RPS6KC1: variants seen among roughly 807,000 people sequenced by gnomAD.
The protein encoded by RPS6KC1 is ribosomal protein S6 kinase C1.
RPS6KC1 carries 54 observed loss-of-function variants against 103.8 expected under a neutral mutation model. The ratio of observed to expected loss-of-function variants is 0.52; its 90% CI spans 0.42 to 0.65. RPS6KC1 has a LOEUF of 0.65. Among genes scored for constraint, RPS6KC1 ranks in the 30% least tolerant of loss-of-function variants. The probability of loss-of-function intolerance (pLI) is 0.00; values close to 1 mark genes in which losing one functional copy is unlikely to be tolerated. For synonymous variants in RPS6KC1, 439 were observed against 438.7 expected, an observed-to-expected ratio of 1.00 and a Z score of -0.01; for missense variants, 1,151 against 1,253.8, an observed-to-expected ratio of 0.92 and a Z score of 1.24.
At chr1:213,215,105 A>G (rs1029543499) in intron 8 of RPS6KC1, among the ~76,000 whole-genome samples, 5 of 152,202 alleles carry the variant, frequency 3.3e-5, no homozygotes, top group Non-Finnish European at 7.3e-5. Context: ...GTTTGAACCC[A>G]TGGCGAAGAC....
At chr1:213,551,221 C>T in the RPS6KC1 span, among the ~76,000 whole-genome samples, 1 of 152,128 alleles carries the variant, frequency 6.6e-6, no homozygotes, top group African/African-American at 2.4e-5. Context: ...GTACCATGGC[C>T]ACAGGAGAGA....
At chr1:213,135,889 G>T (rs2086216822) in intron 6 of RPS6KC1, among the ~76,000 whole-genome samples, 1 of 152,128 alleles carries the variant, frequency 6.6e-6, no homozygotes, top group Non-Finnish European at 1.5e-5. Flanking sequence ...AAAGAGAGTT[G>T]CTTTTTAAAT....
intron 14 of RPS6KC1, 85 bp downstream of exon 14, chr1:213,262,901 T>A (rs2094831962): frequency 1.2e-6 from 1 of 835,870 alleles, no homozygotes; most frequent in South Asian, 1.4e-5. Context: ...AAGAGATTAG[T>A]TTGGAGCAAG....
chr1:213,591,316 A>G, the RPS6KC1 span, among the ~76,000 whole-genome samples: 1 of 152,148 alleles, frequency 6.6e-6, no homozygotes, highest in Non-Finnish European at 1.5e-5. Flanking sequence ...TTGATTGCTT[A>G]TCTTTGCACA....
At chr1:213,205,601 A>T (rs2093328168) in intron 8 of RPS6KC1, among the ~76,000 whole-genome samples, 1 of 141,012 alleles carries the variant, frequency 7.1e-6, no homozygotes, top group South Asian at 2.3e-4. Flanking sequence ...TAGGTTTTAT[A>T]TATAGAATCA....
At chr1:213,403,400 AC>A in the RPS6KC1 span, among the ~76,000 whole-genome samples, 1 of 151,360 alleles carries the variant, frequency 6.6e-6, no homozygotes, top group Non-Finnish European at 1.5e-5. Flanking sequence ...TCTTGTGGCT[AC>A]TCCCTCTGCC....
the RPS6KC1 span, among the ~76,000 whole-genome samples, chr1:213,803,246 T>A: frequency 6.7e-6 from 1 of 148,850 alleles, no homozygotes; most frequent in Non-Finnish European, 1.5e-5. Flanking sequence ...GTGGCTTTTT[T>A]TTTTTTTTTT....
At chr1:213,125,376 A>G (rs1572691407) in intron 5 of RPS6KC1, among the ~76,000 whole-genome samples, 1 of 152,140 alleles carries the variant, frequency 6.6e-6, no homozygotes, top group South Asian at 2.1e-4. Flanking sequence ...ATAATCTATT[A>G]TTAGGAATTT....
chr1:213,466,455 A>G, the RPS6KC1 span, among the ~76,000 whole-genome samples: 1 of 152,190 alleles, frequency 6.6e-6, no homozygotes, highest in Non-Finnish European at 1.5e-5. Flanking sequence ...GTGGCCAGGA[A>G]TGAAATGCTT....
chr1:213,712,850 C>G, the RPS6KC1 span, among the ~76,000 whole-genome samples: 3 of 152,116 alleles, frequency 2.0e-5, no homozygotes, highest in Non-Finnish European at 4.4e-5. Context: ...TACCCACTGT[C>G]TAACCAGTCC....
chr1:213,068,486 A>AG (rs1572317428), intron 1 of RPS6KC1, among the ~76,000 whole-genome samples: 1 of 146,816 alleles, frequency 6.8e-6, no homozygotes, highest in East Asian at 1.9e-4. Context: ...TCTGTCTCAA[A>AG]AAAAAAAAAA....
chr1:213,165,897 A>T (rs1478624017), intron 6 of RPS6KC1, among the ~76,000 whole-genome samples: 1 of 152,156 alleles, frequency 6.6e-6, no homozygotes, highest in African/African-American at 2.4e-5. Context: ...CAGTATTTCC[A>T]TCACATCATT....
the RPS6KC1 span, among the ~76,000 whole-genome samples, chr1:213,576,337 T>C: frequency 1.3e-5 from 2 of 151,458 alleles, no homozygotes; most frequent in South Asian, 4.2e-4. Flanking sequence ...AATGCAGGTA[T>C]ACCTTGCATT....
the RPS6KC1 span, among the ~76,000 whole-genome samples, chr1:213,664,200 C>T: frequency 1.8e-3 from 50 of 27,834 alleles, no homozygotes; most frequent in Non-Finnish European, 2.7e-3. Context: ...AGCGGGGGGG[C>T]GGGGTGGGGA....
chr1:213,292,986 A>C, the RPS6KC1 span, among the ~76,000 whole-genome samples: 1 of 152,244 alleles, frequency 6.6e-6, no homozygotes, highest in Non-Finnish European at 1.5e-5. Context: ...TGAAAAGTTT[A>C]CTTCAGGTTT....
the RPS6KC1 span, among the ~76,000 whole-genome samples, chr1:213,465,598 C>T: frequency 1.4e-4 from 21 of 152,098 alleles, no homozygotes; most frequent in East Asian, 1.9e-4. Flanking sequence ...TTAAAAAACT[C>T]GTTCATTGAG....
At chr1:213,177,852 TGTGA>T (rs2148317636) in intron 8 of RPS6KC1, among the ~76,000 whole-genome samples, 2 of 152,234 alleles carry the variant, frequency 1.3e-5, no homozygotes, top group South Asian at 4.1e-4. Context: ...ATGCTATAAG[TGTGA>T]GTAAGTTACC....
chr1:213,649,293 C>A, the RPS6KC1 span, among the ~76,000 whole-genome samples: 2 of 151,368 alleles, frequency 1.3e-5, no homozygotes, highest in Non-Finnish European at 2.9e-5. Flanking sequence ...CAATGTCTCT[C>A]CAGTAACTAA....
chr1:213,808,292 C>A, the RPS6KC1 span, among the ~76,000 whole-genome samples: 1 of 152,218 alleles, frequency 6.6e-6, no homozygotes, highest in Non-Finnish European at 1.5e-5. Flanking sequence ...GCTGGGAGAA[C>A]CACTGCTCTC....
Sources: gnomAD v4.1 joint callset for allele counts (sites outside exome capture counted in the v4.1 genomes callset) on GRCh38, gnomAD v4.1.1 for gene constraint, MANE v1.5 for transcripts, NCBI Gene and HGNC (gene_info 2026-07-23, HGNC 2026-07-21) for gene names.